Variants in CDC73 observed in about 807,000 individuals in gnomAD.
CDC73 encodes cell division cycle 73, also known as parafibromin.
In CDC73, 21 loss-of-function variants were observed where a neutral mutation model predicts 83.7. The observed-to-expected ratio is 0.25, with a 90% CI of 0.18 to 0.36. The LOEUF (loss-of-function observed/expected upper bound fraction) is 0.36. Ranked by LOEUF, CDC73 falls within the 10% of genes least tolerant of loss-of-function variation. The pLI, the probability that CDC73 is intolerant of heterozygous loss-of-function variation, is 1.00. For synonymous variants in CDC73, 224 were observed against 212.9 expected, an observed-to-expected ratio of 1.05 and a Z score of -0.45; for missense variants, 342 against 653.3, an observed-to-expected ratio of 0.52 and a Z score of 5.19.
chr1:193,143,122 GA>G (rs1675934817), intron 7 of CDC73, among the ~76,000 whole-genome samples: 1 of 152,156 alleles, frequency 6.6e-6, no homozygotes, highest in South Asian at 2.1e-4. Context: ...ATAAAGCTAT[GA>G]AAAGAGTATA....
intron 2 of CDC73, 75 bp from the exon 3 acceptor site, chr1:193,130,099 C>T: frequency 1.3e-6 from 1 of 766,188 alleles, no homozygotes; most frequent in Non-Finnish European, 2.4e-6. Flanking sequence ...AAAATTCAGA[C>T]ATTACATGTT....
chr1:193,194,916 AAATC>A (rs1676976711), intron 10 of CDC73, among the ~76,000 whole-genome samples: 1 of 152,116 alleles, frequency 6.6e-6, no homozygotes. Flanking sequence ...TTTGTGAAAT[AAATC>A]TCTATATGTG....
intron 15 of CDC73, among the ~76,000 whole-genome samples, chr1:193,249,356 C>T (rs988258993): frequency 2.6e-5 from 4 of 152,070 alleles, no homozygotes; most frequent in South Asian, 4.1e-4. Flanking sequence ...AACGTAACTA[C>T]GTAACTTTTA....
chr1:193,247,165 C>T (rs908447075), intron 15 of CDC73, among the ~76,000 whole-genome samples: 2 of 152,082 alleles, frequency 1.3e-5, no homozygotes, highest in East Asian at 1.9e-4. Context: ...AGTCTATTGG[C>T]ACCAATTGTC....
At chr1:193,123,476 C>T (rs939232587) in intron 1 of CDC73, among the ~76,000 whole-genome samples, 7 of 152,210 alleles carry the variant, frequency 4.6e-5, no homozygotes, top group African/African-American at 1.7e-4. Flanking sequence ...ATCTGCCCGC[C>T]TCCACTTCCC....
chr1:193,144,003 G>C (rs1438627126), intron 7 of CDC73, among the ~76,000 whole-genome samples: 1 of 150,990 alleles, frequency 6.6e-6, no homozygotes, highest in Non-Finnish European at 1.5e-5. Flanking sequence ...ACAGCTACCT[G>C]GGAGGCTGAG....
intron 13 of CDC73, among the ~76,000 whole-genome samples, chr1:193,228,161 T>A (rs1212990014): frequency 6.6e-6 from 1 of 152,218 alleles, no homozygotes; most frequent in Non-Finnish European, 1.5e-5. Context: ...ATTTAATATC[T>A]CTGAAATTGT....
chr1:193,223,975 A>T (rs1264474527), intron 13 of CDC73, among the ~76,000 whole-genome samples: 11 of 151,374 alleles, frequency 7.3e-5, no homozygotes, highest in Admixed American at 7.2e-4. Context: ...GATATATATT[A>T]CCTTAAACAT....
Position 193,253,807 on chromosome 1 carries a change from AAAAGT to A in CDC73, c.*3099_*3103del. On this transcript the variant is annotated 3_prime_UTR_variant, in exon 17 of 17. Transcript: ENST00000367435. ...TTTAAATTGGTCTACACAGAAAAGT[AAAAGT>A]AAACTATTCATTTAAATAAGATTCA... 1 of 230,030 alleles carries A rather than the reference AAAAGT, an allele frequency of 4.3e-6. No homozygotes were observed. The highest frequency in any genetic ancestry group is 6.2e-5 in the East Asian group (1 of 16,010). The allele number at this position is 230,030 out of a possible 1,614,324, so 14.2% of individuals were successfully genotyped here. A position where few individuals can be genotyped will look rare whatever the true frequency, so the allele number is the denominator to read the frequency against.
intron 6 of CDC73, among the ~76,000 whole-genome samples, chr1:193,138,621 T>G (rs957535126): frequency 3.9e-5 from 6 of 152,134 alleles, no homozygotes; most frequent in African/African-American, 1.4e-4. Flanking sequence ...TTAAAAATGT[T>G]TTCATTTTTC....
chr1:193,160,248 A>G (rs1558292370), intron 10 of CDC73, among the ~76,000 whole-genome samples: 1 of 152,146 alleles, frequency 6.6e-6, no homozygotes, highest in Non-Finnish European at 1.5e-5. Flanking sequence ...CTTGAGATTT[A>G]TTTTAGAAAG....
chr1:193,170,605 G>T (rs552952394), intron 10 of CDC73, among the ~76,000 whole-genome samples: 2 of 152,196 alleles, frequency 1.3e-5, no homozygotes, highest in Non-Finnish European at 2.9e-5. Context: ...CATGCCCTTT[G>T]CCTACTTTTT....
chr1:193,142,491 A>G (rs1232469668), intron 7 of CDC73, among the ~76,000 whole-genome samples: 1 of 152,176 alleles, frequency 6.6e-6, no homozygotes, highest in Non-Finnish European at 1.5e-5. Context: ...TATATTTTAC[A>G]CACTATATTC....
chr1:193,151,047 C>G (rs889755846), intron 9 of CDC73, among the ~76,000 whole-genome samples: 1 of 152,130 alleles, frequency 6.6e-6, no homozygotes, highest in African/African-American at 2.4e-5. Context: ...GGAGGACTTA[C>G]TTTGTGATAG....
At chr1:193,229,417 C>T (rs1206862512) in intron 13 of CDC73, among the ~76,000 whole-genome samples, 1 of 152,224 alleles carries the variant, frequency 6.6e-6, no homozygotes, top group Non-Finnish European at 1.5e-5. Context: ...GGGCTCTGCC[C>T]TCACAAATAG....
intron 13 of CDC73, among the ~76,000 whole-genome samples, chr1:193,212,811 G>C (rs573191485): frequency 6.6e-6 from 1 of 152,118 alleles, no homozygotes; most frequent in African/African-American, 2.4e-5. Context: ...CTGAATATTA[G>C]ATGTTATACC....
intron 13 of CDC73, among the ~76,000 whole-genome samples, chr1:193,215,920 A>G (rs1397939515): frequency 1.3e-5 from 2 of 152,200 alleles, no homozygotes; most frequent in Non-Finnish European, 2.9e-5. Flanking sequence ...AATGAAAACA[A>G]AGATACAATG....
At chr1:193,182,161 G>A (rs1313630163) in intron 10 of CDC73, among the ~76,000 whole-genome samples, 1 of 152,124 alleles carries the variant, frequency 6.6e-6, no homozygotes, top group African/African-American at 2.4e-5. Flanking sequence ...GTGCAAGGTT[G>A]ATTATGGCAG....
At position 193,122,136 on chromosome 1, in the gene CDC73, G is replaced by T; in HGVS notation, c.-65G>T. The T allele has an allele frequency of 6.5e-7, 1 of 1,535,868 alleles. No individual in the cohort carries two copies. The highest frequency in any genetic ancestry group is 9.0e-7 in the Non-Finnish European group (1 of 1,110,266). On this transcript the variant is annotated 5_prime_UTR_variant, in exon 1 of 17. Transcript: ENST00000367435. ...GGAGGAAGAGGGCGAGGCGACAAGA[G>T]AAGAAGGAGGCAGGCGCGGCGGCAG...
Sources: gnomAD v4.1 joint callset for allele counts (sites outside exome capture counted in the v4.1 genomes callset) on GRCh38, gnomAD v4.1.1 for gene constraint, MANE v1.5 for transcripts, NCBI Gene and HGNC (gene_info 2026-07-23, HGNC 2026-07-21) for gene names.